Variants in SEMA4D observed in about 807,000 individuals in gnomAD.
The protein encoded by SEMA4D is semaphorin-4D.
In SEMA4D, 22 loss-of-function variants were observed where a neutral mutation model predicts 74.8. That is an observed-to-expected ratio of 0.29 (90% confidence interval 0.21 to 0.42). The LOEUF (loss-of-function observed/expected upper bound fraction) is 0.42. SEMA4D is among the 10% of genes least tolerant of loss of function. The pLI is 1.00. For synonymous variants in SEMA4D, 445 were observed against 463.7 expected (o/e 0.96, Z 0.52); for missense variants, 937 against 1,118.4 (o/e 0.84, Z 2.31).
intron 4 of SEMA4D, among the ~76,000 whole-genome samples, chr9:89,400,538 T>C (rs1334310033): frequency 2.6e-5 from 4 of 152,212 alleles, no homozygotes; most frequent in Non-Finnish European, 5.9e-5. Context: ...TGTGAGTTCC[T>C]GAACAGCACC....
downstream of SEMA4D, chr9:89,376,651 A>G (rs1227590107): frequency 9.2e-6 from 8 of 868,226 alleles, no homozygotes; most frequent in Non-Finnish European, 1.4e-5. Flanking sequence ...CACTGTCTAC[A>G]GTTTCCCTCG....
intron 11 of SEMA4D, 131 bp downstream of exon 11, chr9:89,388,505 C>A: frequency 1.8e-6 from 2 of 1,104,052 alleles, no homozygotes; most frequent in Non-Finnish European, 2.5e-6. Context: ...CATCGGCCGT[C>A]CCTGTCCCAA....
At chr9:89,425,048 A>G (rs1847818665) in intron 2 of SEMA4D, among the ~76,000 whole-genome samples, 1 of 152,046 alleles carries the variant, frequency 6.6e-6, no homozygotes, top group Non-Finnish European at 1.5e-5. Context: ...CCAAGAATAC[A>G]CCACCTATCT....
exon 19 of SEMA4D, chr9:89,360,959 CAG>C (rs1832716699): frequency 6.6e-6 from 1 of 152,166 alleles, no homozygotes; most frequent in Non-Finnish European, 1.5e-5. Flanking sequence ...GGAGAAGAGA[CAG>C]AAAACAGCAC....
chr9:89,393,588 G>T lies in SEMA4D; in HGVS notation c.482C>A (p.Ala161Glu). 6.2e-7 allele frequency: 1 copy of T among 1,614,180 alleles called. No individual in the cohort carries two copies. Among genetic ancestry groups the T allele is most frequent in the Non-Finnish European group, 8.5e-7 (1 of 1,179,984 alleles). ...AACCATGACGGATGTGTAGCTGTGT[G>T]CTGGGTCAAAGGGACATCTTCCTTT... ...DGKGRCPFDP[A>E]HSYTSVMVDG... The change falls in exon 7 of 16, where the codon GCA becomes GAA. Residue 161 changes from alanine (A) to glutamate (E), a missense_variant. Coordinates refer to ENST00000422704, the MANE Select transcript of SEMA4D (RefSeq NM_001371194.2).
intron 3 of SEMA4D, among the ~76,000 whole-genome samples, chr9:89,403,824 G>A (rs1842694096): frequency 6.6e-6 from 1 of 152,204 alleles, no homozygotes; most frequent in Non-Finnish European, 1.5e-5. Flanking sequence ...AGCACTTTGG[G>A]AGGCCAAGGT....
At chr9:89,464,123 C>A (rs1390340057) in intron 1 of SEMA4D, among the ~76,000 whole-genome samples, 2 of 152,146 alleles carry the variant, frequency 1.3e-5, no homozygotes, top group Non-Finnish European at 2.9e-5. Context: ...CCTTCCCCCA[C>A]CCCCAAGAAA....
chr9:89,423,748 T>C (rs148814647), intron 2 of SEMA4D, among the ~76,000 whole-genome samples: 2 of 146,456 alleles, frequency 1.4e-5, no homozygotes, highest in Non-Finnish European at 3.0e-5. Context: ...CTCCCCCGGC[T>C]ATTACCTCAG....
intron 16 of SEMA4D, among the ~76,000 whole-genome samples, chr9:89,371,546 T>C (rs1487145738): frequency 2.9e-4 from 1 of 3,486 alleles, no homozygotes; most frequent in Non-Finnish European, 6.3e-4. Context: ...GGGGGTGTGT[T>C]TGGGGTGTGG....
At chr9:89,480,630 C>G (rs1222314422) in intron 1 of SEMA4D, among the ~76,000 whole-genome samples, 1 of 152,232 alleles carries the variant, frequency 6.6e-6, no homozygotes, top group Non-Finnish European at 1.5e-5. Flanking sequence ...TGCTGGGGGA[C>G]TCAGTACACC....
intron 1 of SEMA4D, 67 bp downstream of exon 1, chr9:89,497,852 C>G (rs1002649810): frequency 5.3e-5 from 8 of 151,488 alleles, no homozygotes; most frequent in African/African-American, 1.9e-4. Context: ...GCGGAGGGTC[C>G]AGGCCGCCCC....
intron 6 of SEMA4D, among the ~76,000 whole-genome samples, chr9:89,394,321 C>T (rs898300922): frequency 6.6e-6 from 1 of 152,068 alleles, no homozygotes; most frequent in African/African-American, 2.4e-5. Flanking sequence ...GGAAATAATA[C>T]GGCAAGGTTA....
At chr9:89,363,345 G>T in intron 18 of SEMA4D, 2 of 1,573,352 alleles carry the variant, frequency 1.3e-6, no homozygotes, top group South Asian at 1.1e-5. Flanking sequence ...ATGCTGAATG[G>T]GGCCCTTGAA....
At chr9:89,386,547 C>G (rs1838550786) in intron 12 of SEMA4D, 65 bp from the exon 13 acceptor site, 1 of 1,009,688 alleles carries the variant, frequency 9.9e-7, no homozygotes, top group Non-Finnish European at 1.6e-6. Flanking sequence ...ACAGTGACCA[C>G]AGCGGCAAAC....
intron 2 of SEMA4D, among the ~76,000 whole-genome samples, chr9:89,430,374 TC>T (rs1216957445): frequency 6.6e-6 from 1 of 152,070 alleles, no homozygotes; most frequent in Non-Finnish European, 1.5e-5. Context: ...CCTCCAAGCT[TC>T]AGAGGGAGAC....
intron 2 of SEMA4D, among the ~76,000 whole-genome samples, chr9:89,412,411 T>C (rs1410434721): frequency 6.6e-6 from 1 of 152,252 alleles, no homozygotes; most frequent in South Asian, 2.1e-4. Flanking sequence ...CAGGTTCTCC[T>C]GTGTGGCTTT....
At chr9:89,373,671 C>T (rs528232321), downstream of SEMA4D, among the ~76,000 whole-genome samples, 44 of 152,304 alleles carry the variant, frequency 2.9e-4, no homozygotes, top group Admixed American at 1.5e-3. Flanking sequence ...CGAAAACAGC[C>T]ATTATAGCAA....
chr9:89,365,642 C>G (rs926133461), intron 16 of SEMA4D: 1 of 152,228 alleles, frequency 6.6e-6, no homozygotes, highest in Admixed American at 6.5e-5. Flanking sequence ...GAACACTGAG[C>G]AGGTAAAACA....
downstream of SEMA4D, chr9:89,376,647 C>G: frequency 3.6e-6 from 3 of 843,172 alleles, no homozygotes; most frequent in Non-Finnish European, 5.4e-6. Context: ...TTCACACTGT[C>G]TACAGTTTCC....
Sources: allele counts gnomAD v4.1 joint callset (sites outside exome capture counted in the v4.1 genomes callset), GRCh38; gene constraint gnomAD v4.1.1; transcripts MANE v1.5; gene names NCBI Gene and HGNC (gene_info 2026-07-23, HGNC 2026-07-21).